Variants in KCNC2 observed in about 807,000 individuals in gnomAD.
The protein encoded by KCNC2 is potassium voltage-gated channel subfamily C member 2, also known as voltage-gated potassium channel KCNC2.
Under a neutral mutation model 44.5 loss-of-function variants are expected in KCNC2, and 21 were observed. The observed-to-expected ratio is 0.47, with a 90% CI of 0.33 to 0.68. The LOEUF is 0.68. Ranked by LOEUF, KCNC2 falls within the 30% of genes least tolerant of loss-of-function variation. The probability of loss-of-function intolerance (pLI) is 0.01; values close to 1 mark genes in which losing one functional copy is unlikely to be tolerated. For missense variants in KCNC2, 589 were observed against 826.2 expected (o/e 0.71, Z 3.52); for synonymous variants, 391 against 339.1 (o/e 1.15, Z -1.68).
chr12:75,192,875 T>G (rs1315769551), intron 2 of KCNC2, among the ~76,000 whole-genome samples: 2 of 152,172 alleles, frequency 1.3e-5, no homozygotes, highest in Admixed American at 1.3e-4. Flanking sequence ...TAATAATGCA[T>G]TATATATTTT....
chr12:75,197,296 T>C (rs1407670121), intron 2 of KCNC2, among the ~76,000 whole-genome samples: 1 of 152,058 alleles, frequency 6.6e-6, no homozygotes, highest in Admixed American at 6.6e-5. Context: ...CCTGTTATTC[T>C]GTCTTTGCCA....
chr12:75,072,515 T>C (rs1465110026), intron 2 of KCNC2, among the ~76,000 whole-genome samples: 1 of 152,180 alleles, frequency 6.6e-6, no homozygotes, highest in Non-Finnish European at 1.5e-5. Context: ...ATGCTTAATC[T>C]TTCTATGTAA....
At chr12:75,122,788 T>C (rs1888135940) in intron 2 of KCNC2, among the ~76,000 whole-genome samples, 1 of 152,022 alleles carries the variant, frequency 6.6e-6, no homozygotes, top group Non-Finnish European at 1.5e-5. Context: ...CTAGTAAAAA[T>C]CGGAAAGCGG....
chr12:75,067,805 T>C (rs986608024), intron 2 of KCNC2, among the ~76,000 whole-genome samples: 19 of 152,096 alleles, frequency 1.2e-4, no homozygotes, highest in Admixed American at 1.0e-3. Flanking sequence ...GTTTTCATAA[T>C]ATATTATTAA....
chr12:75,047,892 C>T (rs187934916), intron 4 of KCNC2, among the ~76,000 whole-genome samples: 1 of 151,922 alleles, frequency 6.6e-6, no homozygotes, highest in Non-Finnish European at 1.5e-5. Context: ...TTTACATATT[C>T]CATTCCAATT....
At chr12:75,164,550 A>C (rs1891323170) in intron 2 of KCNC2, among the ~76,000 whole-genome samples, 1 of 151,682 alleles carries the variant, frequency 6.6e-6, no homozygotes, top group South Asian at 2.1e-4. Context: ...TTTGGGCACA[A>C]GTATCGATCC....
chr12:75,064,931 A>C (rs1341366823), intron 2 of KCNC2, among the ~76,000 whole-genome samples: 2 of 152,052 alleles, frequency 1.3e-5, no homozygotes, highest in African/African-American at 4.8e-5. Flanking sequence ...GTACATATAC[A>C]TTCTACTACA....
chr12:75,109,762 A>G (rs1472666433), intron 2 of KCNC2, among the ~76,000 whole-genome samples: 1 of 152,164 alleles, frequency 6.6e-6, no homozygotes, highest in Admixed American at 6.5e-5. Flanking sequence ...AACTGTGGAT[A>G]AAGTTCCAAG....
At chr12:75,053,673 A>G (rs1304918327) in intron 2 of KCNC2, among the ~76,000 whole-genome samples, 1 of 150,518 alleles carries the variant, frequency 6.6e-6, no homozygotes, top group Non-Finnish European at 1.5e-5. Context: ...TAAATTTGCC[A>G]GTTTAATACC....
intron 2 of KCNC2, among the ~76,000 whole-genome samples, chr12:75,075,006 C>T (rs1883789263): frequency 6.6e-6 from 1 of 152,120 alleles, no homozygotes; most frequent in Non-Finnish European, 1.5e-5. Context: ...AAATATGAAA[C>T]AGCAAGATGT....
Position 75,048,165 on chromosome 12 carries a change from C to G in KCNC2, c.1768G>C (p.Gly590Arg), listed in dbSNP as rs775751915. ...TGDYTCASDG[G>R]IRKGYEKSRS... ...AATGCATGCCTACCTTTCCTGATCC[C>G]TCCATCAGAAGCACACGTGTAATCA... The change falls in exon 4 of 5, where the codon GGG becomes CGG. Residue 590 changes from glycine (G) to arginine (R), a missense_variant. Around this residue, in one of 7 missense-constraint regions of KCNC2, gnomAD observed 171 missense variants for 182.4 expected, o/e 0.94. Coordinates refer to ENST00000549446, the MANE Select transcript of KCNC2 (RefSeq NM_139137.4). 6.2e-7 allele frequency: 1 copy of G among 1,612,768 alleles called. No individual in the cohort carries two copies. Among genetic ancestry groups the G allele is most frequent in the South Asian group, 1.1e-5 (1 of 90,970 alleles).
At position 75,050,472 on chromosome 12, in the gene KCNC2, T is replaced by C; in HGVS notation, c.1533A>G (p.Thr511=). 1 of 1,613,768 alleles carries C rather than the reference T, an allele frequency of 6.2e-7. No homozygotes were observed. Among genetic ancestry groups the C allele is most frequent in the Non-Finnish European group, 8.5e-7 (1 of 1,179,800 alleles). The part of the protein sequence containing the change: ...PQASSPTFCK[T]ELNMACNSTQ... ...TACTATTGCAGGCCATATTTAATTC[T>C]GTCTTGCAAAAAGTAGGTGAGCTTG... The change falls in exon 3 of 5, where the codon ACA becomes ACG. Residue 511 remains threonine (T), a synonymous_variant. Transcript: ENST00000549446.
intron 2 of KCNC2, among the ~76,000 whole-genome samples, chr12:75,075,381 A>G (rs541005544): frequency 1.3e-5 from 2 of 151,302 alleles, no homozygotes; most frequent in Admixed American, 6.6e-5. Context: ...GAGCTGAATA[A>G]TCTCCTTACT....
intron 2 of KCNC2, among the ~76,000 whole-genome samples, chr12:75,186,947 T>C (rs939944447): frequency 6.6e-6 from 1 of 152,224 alleles, no homozygotes; most frequent in African/African-American, 2.4e-5. Context: ...ATAATTTTCT[T>C]TTTATTAGCC....
At position 75,121,679 on chromosome 12, in the gene KCNC2, A is replaced by C. The variant is rs975628324; in HGVS notation, c.688-70362T>G. 2.6e-5 allele frequency among the ~76,000 whole-genome samples: 4 copies of C among 152,312 alleles called. No individual in the cohort carries two copies. The South Asian group carries it at 8.3e-4, about 32-fold the overall frequency. On this transcript the variant is annotated intron_variant, in intron 2 of 4. Transcript: ENST00000549446. ...ACTCTGCAGCTGTGCAGAGAGAGCT[A>C]AGTCCTGTTTCTTTTGAAATTTCCT...
chr12:75,207,378 G>T lies in KCNC2; in HGVS notation c.606C>A (p.Asp202Glu), dbSNP rs199945851. The part of the protein sequence containing the change: ...IEDAAGLGGP[D>E]GKSGRWRRLQ... Reference sequence around the variant, plus strand: ...GCCTCCTCCAGCGGCCAGATTTGCCGTCGGGGCCCCCGAGCCCCGCCGCGT... The same window carrying T: ...GCCTCCTCCAGCGGCCAGATTTGCCTTCGGGGCCCCCGAGCCCCGCCGCGT... The change falls in exon 2 of 5, where the codon GAC becomes GAA. Residue 202 changes from aspartate (D) to glutamate (E), a missense_variant. Coordinates refer to ENST00000549446, the MANE Select transcript of KCNC2 (RefSeq NM_139137.4). The surrounding 1 kb of genome is among the most constrained non-coding windows in gnomAD (Gnocchi z 4.1). 4.4e-6 allele frequency: 7 copies of T among 1,579,890 alleles called. No homozygotes were observed. In the African/African-American group the frequency reaches 9.5e-5, roughly 21 times the overall value.
chr12:75,156,269 G>A (rs932532325), intron 2 of KCNC2, among the ~76,000 whole-genome samples: 2 of 151,300 alleles, frequency 1.3e-5, no homozygotes, highest in South Asian at 4.2e-4. Context: ...TGTACAATTT[G>A]TAGATAAGAA....
chr12:75,203,992 G>A (rs1185560605), intron 2 of KCNC2, among the ~76,000 whole-genome samples: 1 of 151,822 alleles, frequency 6.6e-6, no homozygotes, highest in Non-Finnish European at 1.5e-5. Flanking sequence ...ACATTAAATT[G>A]AAAATATACA....
intron 2 of KCNC2, among the ~76,000 whole-genome samples, chr12:75,102,248 G>C (rs1886426251): frequency 6.6e-6 from 1 of 152,030 alleles, no homozygotes; most frequent in Admixed American, 6.6e-5. Context: ...AATCAGGAGA[G>C]AAGGAAAATG....
Sources: gnomAD v4.1 joint callset for allele counts (sites outside exome capture counted in the v4.1 genomes callset) on GRCh38, gnomAD v4.1.1 for gene constraint, gnomAD v4.1.1 regional missense constraint, Gnocchi (gnomAD v3.1) non-coding constraint, MANE v1.5 for transcripts, NCBI Gene and HGNC (gene_info 2026-07-23, HGNC 2026-07-21) for gene names.